The following CPSF2 variants were observed in gnomAD, a reference collection of about 807,000 sequenced individuals.
The protein encoded by CPSF2 is cleavage and polyadenylation specificity factor subunit 2.
Under a neutral mutation model 84.2 loss-of-function variants are expected in CPSF2, and 51 were observed. The observed-to-expected ratio is 0.61, with a 90% CI of 0.48 to 0.77. CPSF2 has a LOEUF of 0.77. Among genes scored for constraint, CPSF2 ranks in the 30% least tolerant of loss-of-function variants. The pLI is 0.00. For missense variants in CPSF2, 641 were observed against 929.4 expected, an observed-to-expected ratio of 0.69 and a Z score of 4.03; for synonymous variants, 286 against 311.9, an observed-to-expected ratio of 0.92 and a Z score of 0.87.
chr14:92,145,209 C>T (rs946143848), intron 9 of CPSF2, among the ~76,000 whole-genome samples: 3 of 152,100 alleles, frequency 2.0e-5, no homozygotes, highest in Non-Finnish European at 4.4e-5. Flanking sequence ...CATAAAGCTG[C>T]TTCTCATTTT....
In CPSF2 at chr14:92,137,828, T is replaced by A. The variant is rs577258789; in HGVS notation, c.546-404T>A. ...GTTAAACATTTAGTTTAGAAAAAAA[T>A]TTTTATGTCCTGGGTAAAAACCAGG... is the stretch of plus-strand genomic sequence containing the variant. On this transcript the variant is annotated intron_variant, in intron 6 of 15. Coordinates refer to ENST00000298875, the MANE Select transcript of CPSF2 (RefSeq NM_017437.3). Among the ~76,000 whole-genome samples the A allele has an allele frequency of 9.1e-4, 138 of 152,198 alleles. 1 individual carries two copies. The highest frequency in any genetic ancestry group is 3.4e-3 in the Middle Eastern group (1 of 294).
intron 9 of CPSF2, among the ~76,000 whole-genome samples, chr14:92,148,237 T>C (rs537221468): frequency 2.6e-5 from 4 of 152,334 alleles, no homozygotes; most frequent in African/African-American, 9.6e-5. Flanking sequence ...GATTCCCCAA[T>C]TGTCAACATT....
In CPSF2 at chr14:92,122,140, C is replaced by A; in HGVS notation, c.-94+12C>A. 2.7e-6 allele frequency: 1 copy of A among 369,478 alleles called. No homozygotes were observed. The highest frequency in any genetic ancestry group is 5.1e-6 in the Non-Finnish European group (1 of 194,272). The allele number at this position is 369,478 out of a possible 1,614,324, so 22.9% of individuals were successfully genotyped here. ...GGAGGCCTGACGAGGCAAGTGAGGG[C>A]GGGAGAAAGGAGCGAGCCTCGGGCT... is the stretch of plus-strand genomic sequence containing the variant. On this transcript the variant is annotated intron_variant, in intron 1 of 15. Transcript: ENST00000298875.
chr14:92,157,601 G>T lies in CPSF2; in HGVS notation c.1596-58G>T, dbSNP rs2069307172. 1 of 1,278,554 alleles carries T rather than the reference G, an allele frequency of 7.8e-7. No individual in the cohort carries two copies. The highest frequency in any genetic ancestry group is 1.1e-6 in the Non-Finnish European group (1 of 902,170). The allele number at this position is 1,278,554 out of a possible 1,614,324, so 79.2% of individuals were successfully genotyped here. Reference sequence around the variant, plus strand: ...GTTATATATTGTATACATGATAAAAGCCATTTTTTTTTAGAATTATGAGAA... The same window carrying T: ...GTTATATATTGTATACATGATAAAATCCATTTTTTTTTAGAATTATGAGAA... On this transcript the variant is annotated intron_variant, in intron 12 of 15. Transcript: ENST00000298875. The surrounding 1 kb of genome is among the most constrained non-coding windows in gnomAD (Gnocchi z 4.0).
intron 2 of CPSF2, among the ~76,000 whole-genome samples, chr14:92,126,795 T>A (rs1427555514): frequency 6.6e-6 from 1 of 152,134 alleles, no homozygotes; most frequent in Non-Finnish European, 1.5e-5. Context: ...CAGAGCAAGA[T>A]CCTGTTTCAG....
rs905635515 is a variant in CPSF2, at chr14:92,132,220, C to T, written c.149+1087C>T. On this transcript the variant is annotated intron_variant, in intron 3 of 15. Coordinates refer to ENST00000298875, the MANE Select transcript of CPSF2 (RefSeq NM_017437.3). ...CGTGCTTTTGGCTCACTGCAACTTC[C>T]GCCTCCAGGGTTCAAGTTATTCTCC... is the stretch of plus-strand genomic sequence containing the variant. Among the ~76,000 whole-genome samples, 7 of 151,876 alleles carry T rather than the reference C, an allele frequency of 4.6e-5. No individual in the cohort carries two copies. The East Asian group carries it at 7.8e-4, about 17-fold the overall frequency.
chr14:92,142,892 T>A (rs1294816342), intron 8 of CPSF2, 112 bp from the exon 9 acceptor site: 4 of 920,180 alleles, frequency 4.3e-6, no homozygotes, highest in Non-Finnish European at 6.5e-6. Flanking sequence ...CAGTACAAAT[T>A]TAAGCAACCA....
chr14:92,122,137 G>C lies in CPSF2; in HGVS notation c.-94+9G>C. On this transcript the variant is annotated intron_variant, in intron 1 of 15. Transcript: ENST00000298875. ...GGGGGAGGCCTGACGAGGCAAGTGA[G>C]GGCGGGAGAAAGGAGCGAGCCTCGG... The C allele has an allele frequency of 2.7e-6, 1 of 375,088 alleles. No homozygotes were observed. Among genetic ancestry groups the C allele is most frequent in the South Asian group, 2.3e-5 (1 of 43,264 alleles). 23.2% of individuals were successfully genotyped at this position (375,088 alleles called of 1,614,324 possible).
chr14:92,157,951 C>A lies in CPSF2; in HGVS notation c.1821+67C>A. 9.2e-7 allele frequency: 1 copy of A among 1,088,514 alleles called. No homozygotes were observed. The highest frequency in any genetic ancestry group is 1.4e-6 in the Non-Finnish European group (1 of 715,706). The allele number at this position is 1,088,514 out of a possible 1,614,324, so 67.4% of individuals were successfully genotyped here. On this transcript the variant is annotated intron_variant, in intron 13 of 15. Coordinates refer to ENST00000298875, the MANE Select transcript of CPSF2 (RefSeq NM_017437.3). The surrounding 1 kb of genome is among the most constrained non-coding windows in gnomAD (Gnocchi z 4.0). ...TTTTGTTGCAGGTTAGGACAGATAACATTAGAAATACCGAGATGTGTGAGA... is the reference window on the plus strand; with the variant it reads ...TTTTGTTGCAGGTTAGGACAGATAAAATTAGAAATACCGAGATGTGTGAGA...
intron 1 of CPSF2, among the ~76,000 whole-genome samples, chr14:92,123,268 A>G (rs1595046175): frequency 6.6e-6 from 1 of 151,806 alleles, no homozygotes; most frequent in Non-Finnish European, 1.5e-5. Context: ...AGCTGGGACT[A>G]CAGGCGCGCA....
At chr14:92,160,740 G>A (rs1423641866) in intron 14 of CPSF2, among the ~76,000 whole-genome samples, 3 of 152,290 alleles carry the variant, frequency 2.0e-5, no homozygotes, top group Admixed American at 2.0e-4. Context: ...TTTGAAGTAA[G>A]CAAATGACTG....
chr14:92,153,775 C>T (rs528749291), intron 9 of CPSF2, among the ~76,000 whole-genome samples: 6 of 149,868 alleles, frequency 4.0e-5, no homozygotes, highest in East Asian at 3.9e-4. Flanking sequence ...GTGAGCACAG[C>T]TCACTGCAGC....
Position 92,134,122 on chromosome 14 carries a change from C to T in CPSF2, c.261C>T (p.Thr87=). The change falls in exon 4 of 16, where the codon ACC becomes ACT. Residue 87 remains threonine, a synonymous_variant. Coordinates refer to ENST00000298875, the MANE Select transcript of CPSF2 (RefSeq NM_017437.3). ...GTCTGAACTGTGCTATCTATGCAAC[C>T]ATTCCTGTTTATAAAATGGGACAGA... ...KLGLNCAIYA[T]IPVYKMGQMF... is the part of the protein sequence containing the mutation. 6.2e-7 allele frequency: 1 copy of T among 1,614,132 alleles called. No homozygotes were observed. The highest frequency in any genetic ancestry group is 8.5e-7 in the Non-Finnish European group (1 of 1,179,994).
chr14:92,161,251 GT>G lies in CPSF2; in HGVS notation c.2256+6del, dbSNP rs1316553841. 39 of 1,606,698 alleles carry G rather than the reference GT, an allele frequency of 2.4e-5. No individual in the cohort carries two copies. The highest frequency in any genetic ancestry group is 3.5e-5 in the Admixed American group (2 of 57,624). ...AATCAAGTAGCAGTCCGCAGAGTAA[GT>G]GTGTTTTCAATAAGGGCTGAATTGA... On this transcript the variant is annotated splice_donor_region_variant and intron_variant, in intron 15 of 15. Transcript: ENST00000298875.
At chr14:92,131,312 T>C (rs966445446) in intron 3 of CPSF2, among the ~76,000 whole-genome samples, 179 bp downstream of exon 3, 10 of 152,234 alleles carry the variant, frequency 6.6e-5, no homozygotes, top group African/African-American at 2.4e-4. Flanking sequence ...GATTGACTTA[T>C]AAGCTTTGCT....
chr14:92,170,767 G>A lies in CPSF2; in HGVS notation c.*9023G>A, dbSNP rs980828674. On this transcript the variant is annotated 3_prime_UTR_variant, in exon 16 of 16. Coordinates refer to ENST00000298875, the MANE Select transcript of CPSF2 (RefSeq NM_017437.3). ...GTGAATTTTTGGCAGGAATACCAGA[G>A]AGGTGATGCTGTCTTCTTCTCTGCA... The A allele has an allele frequency of 6.6e-6, 1 of 152,206 alleles. No homozygotes were observed. The highest frequency in any genetic ancestry group is 1.5e-5 in the Non-Finnish European group (1 of 68,042). The allele number at this position is 152,206 out of a possible 1,614,324, so 9.4% of individuals were successfully genotyped here.
chr14:92,144,642 G>T (rs905905933), intron 9 of CPSF2, among the ~76,000 whole-genome samples: 1 of 152,186 alleles, frequency 6.6e-6, no homozygotes, highest in African/African-American at 2.4e-5. Context: ...TAAACCATTT[G>T]CTTGGTTTGT....
At chr14:92,149,799 G>A (rs1214473272) in intron 9 of CPSF2, among the ~76,000 whole-genome samples, 1 of 151,978 alleles carries the variant, frequency 6.6e-6, no homozygotes, top group East Asian at 1.9e-4. Flanking sequence ...GGGACTACAG[G>A]TGTGTGCCAC....
rs77245858 is a variant in CPSF2, at chr14:92,135,730, G to A, written c.545+234G>A. 7.8e-3 allele frequency among the ~76,000 whole-genome samples: 1,193 copies of A among 152,276 alleles called. 22 individuals are homozygous for A. The highest frequency in any genetic ancestry group is 0.027 in the African/African-American group (1,121 of 41,556). On this transcript the variant is annotated intron_variant, in intron 6 of 15. Transcript: ENST00000298875. Reference sequence around the variant, plus strand: ...GTTAAGTATACACTCTACAAAACGGGTATCTCCCTGGAGATGTTGCAAAGG... The same window carrying A: ...GTTAAGTATACACTCTACAAAACGGATATCTCCCTGGAGATGTTGCAAAGG...
Sources: gnomAD v4.1 joint callset for allele counts (sites outside exome capture counted in the v4.1 genomes callset) on GRCh38, gnomAD v4.1.1 for gene constraint, Gnocchi (gnomAD v3.1) non-coding constraint, MANE v1.5 for transcripts, NCBI Gene and HGNC (gene_info 2026-07-23, HGNC 2026-07-21) for gene names.